GALNT10: variants seen among roughly 807,000 people sequenced by gnomAD.
GALNT10 encodes GalNAc transferase 10.
GALNT10 carries 41 observed loss-of-function variants against 75.0 expected under a neutral mutation model. The observed-to-expected ratio is 0.55, with a 90% CI of 0.43 to 0.71. The LOEUF is 0.71. GALNT10 is among the 30% of genes least tolerant of loss of function. The pLI is 0.00. For synonymous variants in GALNT10, 302 were observed against 313.0 expected (o/e 0.96, Z 0.37); for missense variants, 727 against 818.5 (o/e 0.89, Z 1.36).
At position 154,221,718 on chromosome 5, in the gene GALNT10, C is replaced by T. The variant is rs1752981516; in HGVS notation, c.159+30693C>T. On this transcript the variant is annotated intron_variant, in intron 1 of 11. Coordinates refer to ENST00000297107, the MANE Select transcript of GALNT10 (RefSeq NM_198321.4). Reference sequence around the variant, plus strand: ...GGTACTGAAGAAATTAGTTTTGCCACGAAGGCAACCTCAAAAAGCCAGTCA... The same window carrying T: ...GGTACTGAAGAAATTAGTTTTGCCATGAAGGCAACCTCAAAAAGCCAGTCA... Among the ~76,000 whole-genome samples the T allele has an allele frequency of 2.6e-5, 4 of 152,214 alleles. No individual in the cohort carries two copies. In the South Asian group the frequency reaches 6.2e-4, roughly 24 times the overall value.
intron 6 of GALNT10, among the ~76,000 whole-genome samples, chr5:154,382,235 T>TGAAA (rs1755744840): frequency 1.3e-5 from 2 of 152,274 alleles, no homozygotes; most frequent in South Asian, 2.1e-4. Context: ...TTTGAGGAAA[T>TGAAA]GAAAGGTGGC....
intron 7 of GALNT10, among the ~76,000 whole-genome samples, chr5:154,394,562 C>A (rs1755977936): frequency 6.6e-6 from 1 of 152,116 alleles, no homozygotes; most frequent in Non-Finnish European, 1.5e-5. Context: ...TCTCATTCCG[C>A]CTGGTGGTAG....
intron 8 of GALNT10, among the ~76,000 whole-genome samples, chr5:154,406,519 G>A (rs533359674): frequency 3.9e-5 from 6 of 152,304 alleles, no homozygotes; most frequent in African/African-American, 1.2e-4. Context: ...TCAGTGGGCC[G>A]GGCGTGGTGG....
intron 3 of GALNT10, among the ~76,000 whole-genome samples, chr5:154,316,026 G>T (rs1754590132): frequency 6.6e-6 from 1 of 152,194 alleles, no homozygotes; most frequent in East Asian, 1.9e-4. Flanking sequence ...AACTACTTCT[G>T]AGAAAAGAGA....
intron 3 of GALNT10, among the ~76,000 whole-genome samples, chr5:154,324,542 A>G (rs1289759407): frequency 2.6e-5 from 4 of 152,196 alleles, no homozygotes; most frequent in African/African-American, 9.7e-5. Flanking sequence ...CCGTCAAAAA[A>G]CAATTTTCAC....
intron 8 of GALNT10, among the ~76,000 whole-genome samples, 198 bp downstream of exon 8, chr5:154,404,409 G>C (rs1299648176): frequency 6.6e-6 from 1 of 152,192 alleles, no homozygotes; most frequent in Non-Finnish European, 1.5e-5. Flanking sequence ...GACCTGGGGA[G>C]GGTTGCTTAA....
chr5:154,308,490 C>A (rs1754466454), intron 3 of GALNT10, among the ~76,000 whole-genome samples: 1 of 152,154 alleles, frequency 6.6e-6, no homozygotes, highest in Admixed American at 6.5e-5. Flanking sequence ...AGGGATGTAA[C>A]AAGAATTGAG....
At chr5:154,381,524 A>G (rs1755734840) in intron 6 of GALNT10, among the ~76,000 whole-genome samples, 1 of 152,228 alleles carries the variant, frequency 6.6e-6, no homozygotes, top group Non-Finnish European at 1.5e-5. Flanking sequence ...TTAGTTTCCT[A>G]TAGCTGCTGT....
intron 4 of GALNT10, among the ~76,000 whole-genome samples, chr5:154,366,895 A>C (rs1755483071): frequency 6.6e-6 from 1 of 151,692 alleles, no homozygotes; most frequent in South Asian, 2.1e-4. Context: ...TGTCATGCAG[A>C]GTACTAGCCT....
chr5:154,201,670 C>T (rs1205840917), intron 1 of GALNT10, among the ~76,000 whole-genome samples: 2 of 152,066 alleles, frequency 1.3e-5, no homozygotes, highest in African/African-American at 4.8e-5. Flanking sequence ...GTGGCTCTCA[C>T]CTGTAATCCC....
intron 3 of GALNT10, among the ~76,000 whole-genome samples, chr5:154,307,446 C>A (rs1173092011): frequency 6.6e-6 from 1 of 151,918 alleles, no homozygotes; most frequent in Non-Finnish European, 1.5e-5. Context: ...TGGTGAAACC[C>A]CGTCTCTACT....
chr5:154,288,717 G>A (rs1754148953), intron 1 of GALNT10, among the ~76,000 whole-genome samples: 1 of 152,176 alleles, frequency 6.6e-6, no homozygotes, highest in Non-Finnish European at 1.5e-5. Flanking sequence ...TACAGCTTTT[G>A]TAGACAAATC....
At chr5:154,362,350 A>T (rs1755403310) in intron 4 of GALNT10, among the ~76,000 whole-genome samples, 1 of 152,028 alleles carries the variant, frequency 6.6e-6, no homozygotes, top group East Asian at 1.9e-4. Flanking sequence ...ACGTTGCCTC[A>T]CATACACCAC....
rs563118420 is a variant in GALNT10, at chr5:154,221,112, C to G, written c.159+30087C>G. 2.6e-5 allele frequency among the ~76,000 whole-genome samples: 4 copies of G among 152,222 alleles called. No individual in the cohort carries two copies. The East Asian group carries it at 5.8e-4, about 22-fold the overall frequency. On this transcript the variant is annotated intron_variant, in intron 1 of 11. Transcript: ENST00000297107. Reference sequence around the variant, plus strand: ...AAATGAAATAGGTAGGGATTTTCCTCCTATTCAACAGATGGGCAAGTCAGG... The same window carrying G: ...AAATGAAATAGGTAGGGATTTTCCTGCTATTCAACAGATGGGCAAGTCAGG...
chr5:154,253,731 T>G (rs78122742), intron 1 of GALNT10, among the ~76,000 whole-genome samples: 3 of 83,866 alleles, frequency 3.6e-5, no homozygotes, highest in Non-Finnish European at 7.1e-5. Flanking sequence ...TTTTTTTTTT[T>G]GGTGTGGTAT....
intron 1 of GALNT10, among the ~76,000 whole-genome samples, chr5:154,282,077 G>A (rs917174769): frequency 6.6e-6 from 1 of 152,204 alleles, no homozygotes; most frequent in Non-Finnish European, 1.5e-5. Flanking sequence ...TGGGAAGTCC[G>A]AGATCAAGGG....
intron 6 of GALNT10, among the ~76,000 whole-genome samples, chr5:154,381,641 G>A (rs1755736751): frequency 1.3e-5 from 2 of 152,190 alleles, no homozygotes; most frequent in South Asian, 2.1e-4. Flanking sequence ...TCATAGTGTC[G>A]GCAGGGCTGC....
chr5:154,365,857 T>C (rs563788597), intron 4 of GALNT10, among the ~76,000 whole-genome samples: 45 of 152,290 alleles, frequency 3.0e-4, no homozygotes, highest in African/African-American at 1.1e-3. Flanking sequence ...CCCAAACTCC[T>C]CTTCACTTGT....
chr5:154,337,637 G>T, intron 4 of GALNT10: 1 of 960,270 alleles, frequency 1.0e-6, no homozygotes, highest in Non-Finnish European at 1.7e-6. Flanking sequence ...AGTTGTAATT[G>T]CCAAAATCAT....
Sources: allele counts gnomAD v4.1 joint callset (sites outside exome capture counted in the v4.1 genomes callset), GRCh38; gene constraint gnomAD v4.1.1; transcripts MANE v1.5; gene names NCBI Gene and HGNC (gene_info 2026-07-23, HGNC 2026-07-21).